PRKCB: variants seen among roughly 807,000 people sequenced by gnomAD.
The protein encoded by PRKCB is protein kinase C beta type.
PRKCB carries 13 observed loss-of-function variants against 81.5 expected under a neutral mutation model. The observed-to-expected ratio is 0.16, with a 90% CI of 0.10 to 0.25. The LOEUF is 0.25. Among genes scored for constraint, PRKCB ranks in the 10% least tolerant of loss-of-function variants. PRKCB has a pLI of 1.00. For synonymous variants in PRKCB, 335 were observed against 321.4 expected, an observed-to-expected ratio of 1.04 and a Z score of -0.45; for missense variants, 509 against 875.7, an observed-to-expected ratio of 0.58 and a Z score of 5.29.
intron 8 of PRKCB, among the ~76,000 whole-genome samples, chr16:24,115,709 C>T (rs1966730175): frequency 6.6e-6 from 1 of 151,954 alleles, no homozygotes; most frequent in Non-Finnish European, 1.5e-5. Flanking sequence ...GAGCATTTAT[C>T]CCAAGGATTT....
intron 8 of PRKCB, among the ~76,000 whole-genome samples, chr16:24,121,299 C>A (rs1966796123): frequency 6.6e-6 from 1 of 152,194 alleles, no homozygotes; most frequent in South Asian, 2.1e-4. Context: ...GTATCTGTAT[C>A]CATTTTGCCC....
At chr16:24,039,339 C>G (rs147339525) in intron 5 of PRKCB, among the ~76,000 whole-genome samples, 1 of 152,190 alleles carries the variant, frequency 6.6e-6, no homozygotes, top group Non-Finnish European at 1.5e-5. Flanking sequence ...AGCGATTCTC[C>G]GGTCTCAGCC....
In PRKCB at chr16:24,218,413, G is replaced by A; in HGVS notation, c.*3597G>A. ...CAAAAAGGGCAGGTGGGACATGGTAGAGATGGACCCTACCCAGGAAACAGC... is the reference window on the plus strand; with the variant it reads ...CAAAAAGGGCAGGTGGGACATGGTAAAGATGGACCCTACCCAGGAAACAGC... On this transcript the variant is annotated 3_prime_UTR_variant, in exon 17 of 17. Transcript: ENST00000643927. 1.0e-6 allele frequency: 1 copy of A among 985,312 alleles called. No individual in the cohort carries two copies. Among genetic ancestry groups the A allele is most frequent in the Non-Finnish European group, 1.2e-6 (1 of 829,948 alleles). 61.0% of individuals were successfully genotyped at this position (985,312 alleles called of 1,614,324 possible). A position where few individuals can be genotyped will look rare whatever the true frequency, so the allele number is the denominator to read the frequency against.
At chr16:24,127,090 C>T (rs1369487660) in intron 9 of PRKCB, among the ~76,000 whole-genome samples, 1 of 151,302 alleles carries the variant, frequency 6.6e-6, no homozygotes, top group Non-Finnish European at 1.5e-5. Flanking sequence ...ACCGCAACCT[C>T]CGCCTCCCAG....
chr16:24,094,250 T>C lies in PRKCB; in HGVS notation c.774T>C (p.Ser258=). 6.2e-7 allele frequency: 1 copy of C among 1,614,204 alleles called. No homozygotes were observed. Among genetic ancestry groups the C allele is most frequent in the South Asian group, 1.1e-5 (1 of 91,076 alleles). ...DLTSRNDFMG[S]LSFGISELQK... is the part of the protein sequence containing the mutation. ...CCAGCAGGAATGACTTCATGGGATCTTTGTCCTTTGGGATTTCTGAACTTC... is the reference window on the plus strand; with the variant it reads ...CCAGCAGGAATGACTTCATGGGATCCTTGTCCTTTGGGATTTCTGAACTTC... The change falls in exon 7 of 17, where the codon TCT becomes TCC. Residue 258 remains serine (S), a synonymous_variant. Transcript: ENST00000643927.
At chr16:23,906,097 A>G (rs866562263) in intron 2 of PRKCB, among the ~76,000 whole-genome samples, 5 of 152,264 alleles carry the variant, frequency 3.3e-5, no homozygotes, top group South Asian at 4.1e-4. Context: ...AGGACGGAGG[A>G]TATGTGCTTT....
intron 8 of PRKCB, among the ~76,000 whole-genome samples, chr16:24,113,729 C>G (rs1283074086): frequency 6.6e-6 from 1 of 151,988 alleles, no homozygotes; most frequent in Non-Finnish European, 1.5e-5. Context: ...GACTCTGAGC[C>G]TTTGCAAGGT....
chr16:23,863,195 C>CGTATATATAT (rs1349463791), intron 2 of PRKCB, among the ~76,000 whole-genome samples: 12 of 54,378 alleles, frequency 2.2e-4, no homozygotes, highest in Non-Finnish European at 2.8e-4. Flanking sequence ...TACATACATA[C>CGTATATATAT]GTATATATGT....
chr16:24,051,583 C>T (rs1443241968), intron 5 of PRKCB, among the ~76,000 whole-genome samples: 1 of 152,046 alleles, frequency 6.6e-6, no homozygotes, highest in Non-Finnish European at 1.5e-5. Context: ...ATCAGAAATA[C>T]AGAAAATAGA....
chr16:23,979,804 T>C (rs62029619), intron 2 of PRKCB, among the ~76,000 whole-genome samples: 19,522 of 152,216 alleles, frequency 0.13, 1,483 homozygotes, highest in African/African-American at 0.19. Context: ...TTGGGCAAAT[T>C]ACTTCTCTCC....
chr16:23,859,547 G>C (rs557574086), intron 2 of PRKCB, among the ~76,000 whole-genome samples: 18 of 152,256 alleles, frequency 1.2e-4, no homozygotes, highest in Middle Eastern at 3.4e-3. Flanking sequence ...TGGTGGAGAG[G>C]GGGGAGAAAT....
intron 7 of PRKCB, among the ~76,000 whole-genome samples, chr16:24,110,588 C>G (rs1966664064): frequency 7.0e-6 from 1 of 143,246 alleles, no homozygotes; most frequent in Non-Finnish European, 1.5e-5. Flanking sequence ...GCAATAATAG[C>G]TCACTGCAGC....
At chr16:24,006,768 C>A (rs550221372) in intron 3 of PRKCB, among the ~76,000 whole-genome samples, 3 of 141,958 alleles carry the variant, frequency 2.1e-5, no homozygotes, top group African/African-American at 8.0e-5. Context: ...AATGTTCTTT[C>A]AAAGACTAAA....
intron 3 of PRKCB, among the ~76,000 whole-genome samples, chr16:24,018,128 TG>T (rs1483298743): frequency 1.3e-5 from 2 of 152,144 alleles, no homozygotes; most frequent in African/African-American, 4.8e-5. Flanking sequence ...CTCGATCTCC[TG>T]ACCTCGTGAT....
intron 1 of PRKCB, 129 bp downstream of exon 1, chr16:23,836,477 G>T (rs1567284342): frequency 1.5e-6 from 2 of 1,333,740 alleles, no homozygotes; most frequent in Non-Finnish European, 2.0e-6. Context: ...CGGACTCCCG[G>T]CTCCGGACCC....
intron 12 of PRKCB, among the ~76,000 whole-genome samples, chr16:24,175,250 A>T (rs980510963): frequency 6.6e-6 from 1 of 152,120 alleles, no homozygotes; most frequent in Non-Finnish European, 1.5e-5. Context: ...GTTATGCAAG[A>T]GAGGCTGCAA....
chr16:23,941,328 A>G (rs1351566373), intron 2 of PRKCB, among the ~76,000 whole-genome samples: 1 of 152,236 alleles, frequency 6.6e-6, no homozygotes. Flanking sequence ...ACCAAAACCT[A>G]TATAACAAAT....
At chr16:24,094,348 G>A (rs7196765) in intron 7 of PRKCB, 51 bp downstream of exon 7, 850,052 of 1,589,724 alleles carry the variant, frequency 0.53, 229,954 homozygotes, top group African/African-American at 0.65. Context: ...TCCATCAAAC[G>A]CGGGGTCAAG....
intron 2 of PRKCB, among the ~76,000 whole-genome samples, chr16:23,983,200 G>T (rs546850281): frequency 1.2e-4 from 19 of 152,012 alleles, no homozygotes; most frequent in African/African-American, 4.6e-4. Context: ...TGTCACAAAA[G>T]GATTTGATTT....
Sources: gnomAD v4.1 joint callset for allele counts (sites outside exome capture counted in the v4.1 genomes callset) on GRCh38, gnomAD v4.1.1 for gene constraint, MANE v1.5 for transcripts, NCBI Gene and HGNC (gene_info 2026-07-23, HGNC 2026-07-21) for gene names.